Variants in SOX6 observed in about 807,000 individuals in gnomAD.
SOX6 encodes the protein SRY-box transcription factor 6.
In SOX6, 11 loss-of-function variants were observed where a neutral mutation model predicts 97.8. The observed-to-expected ratio is 0.11, with a 90% CI of 0.07 to 0.19. The LOEUF (loss-of-function observed/expected upper bound fraction) is 0.19, where lower values mean the gene tolerates loss of function less well. Ranked by LOEUF, SOX6 falls within the 10% of genes least tolerant of loss-of-function variation. SOX6 has a pLI of 1.00. For missense variants in SOX6, 810 were observed against 1,039.5 expected (o/e 0.78, Z 3.04); for synonymous variants, 360 against 371.4 (o/e 0.97, Z 0.35).
At position 15,986,364 on chromosome 11, in the gene SOX6, C is replaced by T; in HGVS notation, c.2023G>A (p.Ala675Thr). Residue 675 changes from alanine to threonine, a missense_variant, in exon 15 of 16, where the codon GCC becomes ACC. Transcript: ENST00000683767. ...QEKQPYYEEQ[A>T]RLSKIHLEKY... is the part of the protein sequence containing the mutation. Reference sequence around the variant, plus strand: ...TCTAAGTGGATCTTGCTTAGCCGGGCCTGCTCTTCATAATAAGGTTGCTTC... The same window carrying T: ...TCTAAGTGGATCTTGCTTAGCCGGGTCTGCTCTTCATAATAAGGTTGCTTC... The T allele has an allele frequency of 6.2e-7, 1 of 1,614,030 alleles. No homozygotes were observed. The highest frequency in any genetic ancestry group is 8.5e-7 in the Non-Finnish European group (1 of 1,179,992).
chr11:16,180,058 TA>T (rs1015739704), intron 6 of SOX6, among the ~76,000 whole-genome samples: 11 of 151,410 alleles, frequency 7.3e-5, no homozygotes, highest in African/African-American at 2.7e-4. Context: ...ATTGGATCCA[TA>T]AAAAAAATCT....
intron 1 of SOX6, among the ~76,000 whole-genome samples, chr11:16,391,825 T>C (rs1014045055): frequency 6.6e-6 from 1 of 152,100 alleles, no homozygotes; most frequent in Non-Finnish European, 1.5e-5. Flanking sequence ...GGTGCCTTTA[T>C]CTTTCTATTT....
intron 3 of SOX6, among the ~76,000 whole-genome samples, chr11:16,667,103 C>T (rs1179754994): frequency 6.6e-6 from 1 of 150,914 alleles, no homozygotes; most frequent in East Asian, 1.9e-4. Flanking sequence ...GTGGTGCACA[C>T]CTGTCCCAGC....
rs930330578 is a variant in SOX6 at position 16,613,174 on chromosome 11, G to A, written n.430-914C>T. 6.6e-6 allele frequency: 1 copy of A among 152,240 alleles called. No homozygotes were observed. The highest frequency in any genetic ancestry group is 6.5e-5 in the Admixed American group (1 of 15,270). The allele number at this position is 152,240 out of a possible 1,614,324, so 9.4% of individuals were successfully genotyped here. On this transcript the variant is annotated intron_variant and non_coding_transcript_variant, in intron 3 of 5. Transcript: ENST00000524520. This position sits in a 1 kb window ranked among gnomAD's most constrained non-coding sequence, Gnocchi z 4.6. ...AACAGCTGGGATGCAGACGGGCTAT[G>A]GAAATCTCAGTTCTAGGAACCGTGT...
chr11:16,399,863 G>C (rs931106995), intron 1 of SOX6, among the ~76,000 whole-genome samples: 2 of 151,314 alleles, frequency 1.3e-5, no homozygotes, highest in East Asian at 1.9e-4. Flanking sequence ...ATTCAATCAA[G>C]TGCCATGATT....
chr11:16,321,289 A>T (rs1855917944), intron 2 of SOX6, among the ~76,000 whole-genome samples: 1 of 151,594 alleles, frequency 6.6e-6, no homozygotes, highest in African/African-American at 2.4e-5. Flanking sequence ...ACCCTGACTC[A>T]ACCTAAGGGA....
At chr11:16,636,413 C>T (rs542218649) in intron 3 of SOX6, among the ~76,000 whole-genome samples, 1 of 152,338 alleles carries the variant, frequency 6.6e-6, no homozygotes, top group African/African-American at 2.4e-5. Flanking sequence ...TACCCACTGC[C>T]TGTACCCTCA....
In SOX6 at chr11:16,468,902, A is replaced by T. The variant is rs117759212; in HGVS notation, c.-5+7413T>A. Among the ~76,000 whole-genome samples, 709 of 152,258 alleles carry T rather than the reference A, an allele frequency of 4.7e-3. 8 individuals carry two copies. Among genetic ancestry groups the T allele is most frequent in the Non-Finnish European group, 3.1e-3 (210 of 68,000 alleles). On this transcript the variant is annotated intron_variant, in intron 1 of 15. Coordinates refer to the SOX6 transcript ENST00000396356. ...ATTGGCATGTTTCACATTTAAGATT[A>T]TGACACACCAACTTATTTTGAAATT... is the stretch of plus-strand genomic sequence containing the variant.
chr11:16,349,674 GAGGA>G (rs1296857091), intron 1 of SOX6, among the ~76,000 whole-genome samples: 7 of 66,968 alleles, frequency 1.0e-4, no homozygotes, highest in African/African-American at 2.8e-4. Context: ...GGGAGGGAGG[GAGGA>G]AGGAAGGAAG....
At chr11:16,108,480 A>G (rs1225079920) in intron 7 of SOX6, among the ~76,000 whole-genome samples, 1 of 152,120 alleles carries the variant, frequency 6.6e-6, no homozygotes, top group Non-Finnish European at 1.5e-5. Flanking sequence ...ATTTTCTCCA[A>G]TATTTGTGCT....
At chr11:16,222,755 T>C (rs1432663256) in intron 4 of SOX6, among the ~76,000 whole-genome samples, 3 of 152,108 alleles carry the variant, frequency 2.0e-5, no homozygotes, top group Non-Finnish European at 4.4e-5. Flanking sequence ...TACTGTAGCA[T>C]TTATTGATTC....
chr11:16,076,148 T>C lies in SOX6; in HGVS notation c.1101+19848A>G, dbSNP rs558148542. ...AAGACTTAAGTTTAAAACCTAAAAC[T>C]ATAAAAATCCTGGAAGATAACCTAG... On this transcript the variant is annotated intron_variant, in intron 9 of 15. Coordinates refer to ENST00000683767, the MANE Select transcript of SOX6 (RefSeq NM_001367873.1). Among the ~76,000 whole-genome samples, 3 of 152,192 alleles carry C rather than the reference T, an allele frequency of 2.0e-5. No individual in the cohort carries two copies. The South Asian group carries it at 6.2e-4, about 32-fold the overall frequency.
rs534267314 is a variant in SOX6, at chr11:16,083,211, T to C, written c.1101+12785A>G. Among the ~76,000 whole-genome samples, 76 of 152,308 alleles carry C rather than the reference T, an allele frequency of 5.0e-4. 1 individual carries two copies. The South Asian group carries it at 0.015, about 30-fold the overall frequency. ...AACAATTATCACATTGCTTACTAGA[T>C]TGTGGGCCCTTCAGGGGCAAGAGTC... is the stretch of plus-strand genomic sequence containing the variant. On this transcript the variant is annotated intron_variant, in intron 9 of 15. Transcript: ENST00000683767.
rs115864601 is a variant in SOX6, at chr11:16,636,973, C to T, written n.430-24713G>A. 3.9e-3 allele frequency among the ~76,000 whole-genome samples: 599 copies of T among 152,262 alleles called. 5 individuals carry two copies. The highest frequency in any genetic ancestry group is 0.014 in the Middle Eastern group (4 of 294). On this transcript the variant is annotated intron_variant and non_coding_transcript_variant, in intron 3 of 5. Coordinates refer to the SOX6 transcript ENST00000524520. The stretch of plus-strand genomic sequence containing the variant: ...CCCAGTCTTGGGTATGTCCCTATAG[C>T]AGCCTGAGAACAGAATAATAGACTA...
Position 15,968,080 on chromosome 11 carries a change from A to T in SOX6, c.*4729T>A, listed in dbSNP as rs1164475161. On this transcript the variant is annotated 3_prime_UTR_variant, in exon 16 of 16. Transcript: ENST00000683767. ...CTCAATAGGATATGGCATCAGAAAC[A>T]GAACATCATTGGCAGGAATAACAGA... is the stretch of plus-strand genomic sequence containing the variant. 1.3e-5 allele frequency: 2 copies of T among 152,260 alleles called. No homozygotes were observed. Among genetic ancestry groups the T allele is most frequent in the African/African-American group, 4.8e-5 (2 of 41,478 alleles). The allele number at this position is 152,260 out of a possible 1,614,324, so 9.4% of individuals were successfully genotyped here.
At chr11:16,137,962 C>T (rs1389212277) in intron 6 of SOX6, among the ~76,000 whole-genome samples, 1 of 152,202 alleles carries the variant, frequency 6.6e-6, no homozygotes, top group Admixed American at 6.5e-5. Context: ...CCATGCAAAA[C>T]TGTGAGTCAA....
At chr11:16,266,649 T>C (rs1854091259) in intron 3 of SOX6, among the ~76,000 whole-genome samples, 2 of 151,594 alleles carry the variant, frequency 1.3e-5, no homozygotes, top group African/African-American at 4.8e-5. Flanking sequence ...TAATAAAATC[T>C]GGAAGAGAAA....
At chr11:16,625,978 G>T (rs1848618281) in intron 3 of SOX6, among the ~76,000 whole-genome samples, 2 of 152,176 alleles carry the variant, frequency 1.3e-5, no homozygotes, top group South Asian at 4.1e-4. Context: ...ACAGCAGGCT[G>T]GTCAGAGGAG....
At chr11:16,193,652 T>A (rs1851691903) in intron 4 of SOX6, among the ~76,000 whole-genome samples, 1 of 152,116 alleles carries the variant, frequency 6.6e-6, no homozygotes, top group African/African-American at 2.4e-5. Flanking sequence ...AAGATACACT[T>A]TTTCACATAA....
Sources: allele counts gnomAD v4.1 joint callset (sites outside exome capture counted in the v4.1 genomes callset), GRCh38; gene constraint gnomAD v4.1.1; non-coding constraint Gnocchi (gnomAD v3.1); transcripts MANE v1.5; gene names NCBI Gene and HGNC (gene_info 2026-07-23, HGNC 2026-07-21).